The following MDGA2 variants were observed in gnomAD, a reference collection of about 807,000 sequenced individuals.
MDGA2 encodes the protein MAM domain-containing glycosylphosphatidylinositol anchor protein 2.
In MDGA2, 40 loss-of-function variants were observed where a neutral mutation model predicts 117.8. The observed-to-expected ratio is 0.34, with a 90% CI of 0.26 to 0.44. The LOEUF is 0.44. Ranked by LOEUF, MDGA2 falls within the 20% of genes least tolerant of loss-of-function variation. The pLI is 1.00. For synonymous variants in MDGA2, 452 were observed against 439.0 expected (o/e 1.03, Z -0.37); for missense variants, 1,123 against 1,250.6 (o/e 0.90, Z 1.54).
intron 9 of MDGA2, among the ~76,000 whole-genome samples, chr14:46,945,678 C>G (rs1199100350): frequency 1.3e-5 from 2 of 152,086 alleles, no homozygotes; most frequent in African/African-American, 4.8e-5. Flanking sequence ...GGCTTGGAAT[C>G]TACCTTGCTA....
chr14:46,883,382 T>C (rs1388709112), intron 10 of MDGA2, among the ~76,000 whole-genome samples: 1 of 151,958 alleles, frequency 6.6e-6, no homozygotes, highest in Non-Finnish European at 1.5e-5. Context: ...TTGGGAAACA[T>C]CAACTCCTAT....
At chr14:46,996,999 C>T in intron 8 of MDGA2, 1 of 364,766 alleles carries the variant, frequency 2.7e-6, no homozygotes, top group Non-Finnish European at 5.2e-6. Context: ...TTACAGTGGC[C>T]AAAAACTAGG....
intron 2 of MDGA2, among the ~76,000 whole-genome samples, chr14:47,260,102 G>A (rs1279338010): frequency 6.6e-6 from 1 of 151,966 alleles, no homozygotes; most frequent in Non-Finnish European, 1.5e-5. Context: ...TGGAAAAATG[G>A]TAATTTAGAG....
At position 47,122,963 on chromosome 14, in the gene MDGA2, T is replaced by A. The variant is rs533020382; in HGVS notation, c.925+8751A>T. On this transcript the variant is annotated intron_variant, in intron 5 of 16. Coordinates refer to ENST00000399232, the MANE Select transcript of MDGA2 (RefSeq NM_001113498.3). The stretch of plus-strand genomic sequence containing the variant: ...AAGATTTTCTAATGAATAATTATTT[T>A]AAATTTTTCAATTATAATCTAACAG... Among the ~76,000 whole-genome samples the A allele has an allele frequency of 7.2e-5, 11 of 152,206 alleles. No individual in the cohort carries two copies. The South Asian group carries it at 1.9e-3, about 26-fold the overall frequency.
chr14:47,157,876 C>A (rs909794559), intron 3 of MDGA2, among the ~76,000 whole-genome samples: 1 of 152,036 alleles, frequency 6.6e-6, no homozygotes, highest in Non-Finnish European at 1.5e-5. Context: ...GTGCCTTTAA[C>A]CATGATTTTA....
At chr14:47,231,583 A>G (rs1237253230) in intron 2 of MDGA2, among the ~76,000 whole-genome samples, 1 of 152,074 alleles carries the variant, frequency 6.6e-6, no homozygotes, top group Non-Finnish European at 1.5e-5. Context: ...GCCATTGTAA[A>G]GTTTCCTATA....
chr14:47,547,185 G>A (rs1304526328), intron 1 of MDGA2, among the ~76,000 whole-genome samples: 2 of 152,126 alleles, frequency 1.3e-5, no homozygotes, highest in Non-Finnish European at 2.9e-5. Flanking sequence ...AGCACAACAA[G>A]ATTGAATTAA....
At chr14:47,348,736 G>A (rs1340534757) in intron 1 of MDGA2, among the ~76,000 whole-genome samples, 4 of 152,134 alleles carry the variant, frequency 2.6e-5, no homozygotes, top group African/African-American at 9.7e-5. Context: ...AAAAAAATGA[G>A]TGCAGAAGCA....
chr14:47,271,737 TATAA>T (rs1448497069), intron 2 of MDGA2, among the ~76,000 whole-genome samples: 1 of 151,884 alleles, frequency 6.6e-6, no homozygotes, highest in Admixed American at 6.6e-5. Flanking sequence ...TTTAAAAACT[TATAA>T]ATAATTTTAT....
intron 1 of MDGA2, among the ~76,000 whole-genome samples, chr14:47,315,941 C>CAAAAAACAAACA (rs1566735365): frequency 6.7e-6 from 1 of 150,272 alleles, no homozygotes; most frequent in Non-Finnish European, 1.5e-5. Flanking sequence ...CAAAACAAAA[C>CAAAAAACAAACA]AAAAAACAAA....
intron 9 of MDGA2, among the ~76,000 whole-genome samples, chr14:46,940,021 T>G (rs1282208414): frequency 1.3e-5 from 2 of 152,200 alleles, no homozygotes; most frequent in Non-Finnish European, 2.9e-5. Flanking sequence ...TCTCTCCTCC[T>G]AATTTACAGA....
chr14:47,299,109 C>T (rs1358118277), intron 2 of MDGA2, among the ~76,000 whole-genome samples: 1 of 151,974 alleles, frequency 6.6e-6, no homozygotes, highest in Admixed American at 6.6e-5. Context: ...GATCAAAACA[C>T]CTTGAAATGT....
chr14:47,298,785 C>T (rs935859534), intron 2 of MDGA2, among the ~76,000 whole-genome samples: 71 of 150,660 alleles, frequency 4.7e-4, no homozygotes, highest in Non-Finnish European at 8.3e-4. Context: ...CCCAGGTTCA[C>T]GCCATTCTCC....
chr14:47,175,195 T>A (rs1404502401), intron 3 of MDGA2, among the ~76,000 whole-genome samples: 1 of 151,412 alleles, frequency 6.6e-6, no homozygotes, highest in Non-Finnish European at 1.5e-5. Flanking sequence ...ACCAGATGGA[T>A]TCACAGCCGA....
In MDGA2 at chr14:47,132,297, G is replaced by A. The variant is rs149103107; in HGVS notation, c.793-451C>T. Among the ~76,000 whole-genome samples, 1,219 of 151,788 alleles carry A rather than the reference G, an allele frequency of 8.0e-3. 9 individuals are homozygous for A. Among genetic ancestry groups the A allele is most frequent in the Middle Eastern group, 0.014 (4 of 292 alleles). The stretch of plus-strand genomic sequence containing the variant: ...GAAGAAGCGCCAACAAATGAAACAC[G>A]GTTGTTAGAACAAAGTTAATTACGT... On this transcript the variant is annotated intron_variant, in intron 4 of 16. Transcript: ENST00000399232.
At chr14:47,608,057 T>G (rs1265324397) in intron 1 of MDGA2, among the ~76,000 whole-genome samples, 7 of 152,150 alleles carry the variant, frequency 4.6e-5, no homozygotes, top group Admixed American at 3.3e-4. Context: ...TCTTTTACAT[T>G]TCCATGACCA....
chr14:47,403,244 C>T (rs1284945057), intron 1 of MDGA2, among the ~76,000 whole-genome samples: 2 of 152,164 alleles, frequency 1.3e-5, no homozygotes, highest in Non-Finnish European at 1.5e-5. Context: ...TTCAGTTGGG[C>T]ATTTTCTTTT....
intron 2 of MDGA2, among the ~76,000 whole-genome samples, chr14:47,222,636 A>G (rs1367495559): frequency 1.3e-5 from 2 of 152,098 alleles, no homozygotes; most frequent in African/African-American, 4.8e-5. Context: ...TCTATCCACA[A>G]GGTAATTTTT....
intron 2 of MDGA2, among the ~76,000 whole-genome samples, chr14:47,290,554 T>C (rs1049655202): frequency 5.3e-5 from 8 of 152,106 alleles, no homozygotes; most frequent in African/African-American, 1.9e-4. Context: ...AAAATTTCAC[T>C]AAACATTATA....
Sources: gnomAD v4.1 joint callset for allele counts (sites outside exome capture counted in the v4.1 genomes callset) on GRCh38, gnomAD v4.1.1 for gene constraint, MANE v1.5 for transcripts, NCBI Gene and HGNC (gene_info 2026-07-23, HGNC 2026-07-21) for gene names.